The following ZNF438 variants were observed in gnomAD, a reference collection of about 807,000 sequenced individuals.
ZNF438 encodes the protein zinc finger protein 438.
ZNF438 carries 25 observed loss-of-function variants against 38.0 expected under a neutral mutation model. The observed-to-expected ratio is 0.66, with a 90% confidence interval of 0.48 to 0.92. The LOEUF (loss-of-function observed/expected upper bound fraction) is 0.92, where lower values mean the gene tolerates loss of function less well. Ranked by LOEUF, ZNF438 falls within the 40% of genes least tolerant of loss-of-function variation. The probability of loss-of-function intolerance (pLI) is 0.00; values close to 1 mark genes in which losing one functional copy is unlikely to be tolerated. For missense variants in ZNF438, 1,007 were observed against 999.6 expected, an observed-to-expected ratio of 1.01 and a Z score of -0.10; for synonymous variants, 372 against 364.1, an observed-to-expected ratio of 1.02 and a Z score of -0.25.
intron 2 of ZNF438, among the ~76,000 whole-genome samples, chr10:30,913,747 C>T (rs920735963): frequency 4.6e-5 from 7 of 152,066 alleles, no homozygotes; most frequent in South Asian, 4.1e-4. Context: ...TGGGTAATCA[C>T]AGGCTGTAAA....
At chr10:30,883,758 G>A (rs1442778751) in intron 3 of ZNF438, among the ~76,000 whole-genome samples, 4 of 152,172 alleles carry the variant, frequency 2.6e-5, no homozygotes, top group African/African-American at 4.8e-5. Flanking sequence ...GGCCAGGTGC[G>A]TATCCATAGT....
chr10:30,916,225 G>C lies in ZNF438; in HGVS notation c.-114-7210C>G, dbSNP rs575776919. Among the ~76,000 whole-genome samples, 38 of 152,120 alleles carry C rather than the reference G, an allele frequency of 2.5e-4. No individual in the cohort carries two copies. In the South Asian group the frequency reaches 5.0e-3, roughly 20 times the overall value. On this transcript the variant is annotated intron_variant, in intron 2 of 5. Coordinates refer to ENST00000413025, the Ensembl canonical transcript of ZNF438. ...CTGTATAGGCATTTGATAAACACTT[G>C]AATGACTGAATTAGTGACAGCAGAA...
chr10:30,854,316 A>T (rs1268236184), intron 4 of ZNF438, among the ~76,000 whole-genome samples: 1 of 152,216 alleles, frequency 6.6e-6, no homozygotes, highest in Non-Finnish European at 1.5e-5. Flanking sequence ...TCCATCTCAA[A>T]AAATAAAAAT....
rs1326160904 is a variant in ZNF438, at chr10:31,014,176, A to C, written c.-192+17657T>G. Among the ~76,000 whole-genome samples, 6 of 152,216 alleles carry C rather than the reference A, an allele frequency of 3.9e-5. No individual in the cohort carries two copies. The East Asian group carries it at 1.2e-3, about 29-fold the overall frequency. The stretch of plus-strand genomic sequence containing the variant: ...ATACTGACTGTGTGATCTGAAAAAA[A>C]ACAAAAAACCTCTAATCATGTCATG... On this transcript the variant is annotated intron_variant, in intron 1 of 5. Transcript: ENST00000413025.
chr10:30,951,933 G>T (rs1411612876), intron 1 of ZNF438, among the ~76,000 whole-genome samples: 3 of 151,248 alleles, frequency 2.0e-5, no homozygotes, highest in Admixed American at 6.6e-5. Context: ...AAAAGAGCCC[G>T]CATTGCCAAG....
At chr10:30,998,403 C>A (rs1237929556) in intron 1 of ZNF438, among the ~76,000 whole-genome samples, 1 of 151,406 alleles carries the variant, frequency 6.6e-6, no homozygotes, top group African/African-American at 2.4e-5. Flanking sequence ...ATTAGCCGGG[C>A]ATGGTGGCGG....
intron 1 of ZNF438, among the ~76,000 whole-genome samples, chr10:31,013,870 C>A (rs2055955904): frequency 6.6e-6 from 1 of 152,212 alleles, no homozygotes; most frequent in Non-Finnish European, 1.5e-5. Context: ...CTATTTGCCT[C>A]TTTTCCTTCA....
chr10:30,967,377 A>G (rs945617981), intron 1 of ZNF438, among the ~76,000 whole-genome samples: 2 of 152,242 alleles, frequency 1.3e-5, no homozygotes, highest in Non-Finnish European at 2.9e-5. Flanking sequence ...GTTACAGTTA[A>G]GCTGCTTTGC....
At chr10:30,957,388 T>C (rs1047911582) in intron 1 of ZNF438, among the ~76,000 whole-genome samples, 11 of 152,214 alleles carry the variant, frequency 7.2e-5, no homozygotes, top group Non-Finnish European at 1.5e-4. Context: ...AGCTTTAAGT[T>C]TGATGTAATC....
chr10:30,977,629 C>T (rs1174548032), intron 1 of ZNF438, among the ~76,000 whole-genome samples: 2 of 152,268 alleles, frequency 1.3e-5, no homozygotes, highest in East Asian at 3.9e-4. Context: ...CAGAGAAGCA[C>T]AGTTTCTAGA....
At chr10:31,001,041 A>G (rs1263493939) in intron 1 of ZNF438, among the ~76,000 whole-genome samples, 1 of 152,136 alleles carries the variant, frequency 6.6e-6, no homozygotes, top group Non-Finnish European at 1.5e-5. Flanking sequence ...CAGCCCTCTT[A>G]AGAAATAACT....
At chr10:31,026,130 A>G (rs551020292) in intron 1 of ZNF438, among the ~76,000 whole-genome samples, 2 of 152,306 alleles carry the variant, frequency 1.3e-5, no homozygotes, top group East Asian at 3.9e-4. Context: ...TAAAACCATA[A>G]AAACCCTGGA....
chr10:30,872,517 G>A (rs1160961229), intron 4 of ZNF438, among the ~76,000 whole-genome samples: 8 of 149,094 alleles, frequency 5.4e-5, no homozygotes, highest in South Asian at 4.3e-4. Flanking sequence ...TTGGGAGGCC[G>A]AGGCGGACAG....
upstream of ZNF438, among the ~76,000 whole-genome samples, chr10:31,032,210 G>A (rs2057337453): frequency 1.3e-5 from 2 of 152,216 alleles, no homozygotes; most frequent in African/African-American, 4.8e-5. Context: ...CCTGGGGGCT[G>A]GAGTAAGACG....
chr10:31,005,346 C>T (rs1348214982), intron 1 of ZNF438, among the ~76,000 whole-genome samples: 1 of 152,020 alleles, frequency 6.6e-6, no homozygotes. Flanking sequence ...GGAGATCCTG[C>T]CATTTGCTAC....
chr10:30,983,944 A>G (rs2052497119), intron 1 of ZNF438, among the ~76,000 whole-genome samples: 1 of 152,206 alleles, frequency 6.6e-6, no homozygotes, highest in African/African-American at 2.4e-5. Context: ...AAACTAAGAA[A>G]TTAACATTGA....
chr10:30,876,016 A>C (rs2038359910), intron 4 of ZNF438, among the ~76,000 whole-genome samples: 1 of 152,250 alleles, frequency 6.6e-6, no homozygotes, highest in Non-Finnish European at 1.5e-5. Context: ...ATAGAGTGGA[A>C]CTTATTATCT....
At position 30,907,131 on chromosome 10, in the gene ZNF438, C is replaced by T. The variant is rs559458218; in HGVS notation, c.-32+1802G>A. 6.6e-5 allele frequency among the ~76,000 whole-genome samples: 10 copies of T among 152,294 alleles called. No individual in the cohort carries two copies. The South Asian group carries it at 1.2e-3, about 19-fold the overall frequency. On this transcript the variant is annotated intron_variant, in intron 3 of 5. Coordinates refer to ENST00000413025, the Ensembl canonical transcript of ZNF438. ...CTGGGATCACAGGCATTCGCCACCA[C>T]GCCCAGCTAATTTTTGTATTTTTAG...
chr10:31,025,190 A>C (rs2056862297), intron 1 of ZNF438, among the ~76,000 whole-genome samples: 1 of 152,248 alleles, frequency 6.6e-6, no homozygotes, highest in Non-Finnish European at 1.5e-5. Context: ...AAGGAGGAAC[A>C]GAAGGAAGGA....
Sources: allele counts gnomAD v4.1 joint callset (sites outside exome capture counted in the v4.1 genomes callset), GRCh38; gene constraint gnomAD v4.1.1; transcripts MANE v1.5; gene names NCBI Gene and HGNC (gene_info 2026-07-23, HGNC 2026-07-21).